ADAMTS17: variants seen among roughly 807,000 people sequenced by gnomAD.
ADAMTS17 encodes the protein A disintegrin and metalloproteinase with thrombospondin motifs 17.
In ADAMTS17, 113 loss-of-function variants were observed where a neutral mutation model predicts 141.5. The observed-to-expected ratio is 0.80, with a 90% CI of 0.69 to 0.93. The LOEUF (loss-of-function observed/expected upper bound fraction) is 0.93, where lower values mean the gene tolerates loss of function less well. Among genes scored for constraint, ADAMTS17 ranks in the 40% least tolerant of loss-of-function variants. The pLI is 0.00. For missense variants in ADAMTS17, 1,659 were observed against 1,517.9 expected (o/e 1.09, Z -1.54); for synonymous variants, 768 against 630.6 (o/e 1.22, Z -3.27).
intron 18 of ADAMTS17, among the ~76,000 whole-genome samples, chr15:100,044,049 G>A (rs1032002540): frequency 6.6e-6 from 1 of 152,320 alleles, no homozygotes; most frequent in East Asian, 1.9e-4. Context: ...GTGCAGCATG[G>A]TTCTCTCTTA....
Position 100,330,880 on chromosome 15 carries a change from C to T in ADAMTS17, c.616+9G>A, listed in dbSNP as rs773611298. ...GTTCTAAGCTGGTCATGCTGCTGCC[C>T]CGACTCACCTGTTAGAACCTTGCAG... is the stretch of plus-strand genomic sequence containing the variant. On this transcript the variant is annotated intron_variant, in intron 3 of 21. Transcript: ENST00000268070. The T allele has an allele frequency of 6.2e-7, 1 of 1,613,714 alleles. No individual in the cohort carries two copies. Among genetic ancestry groups the T allele is most frequent in the Non-Finnish European group, 8.5e-7 (1 of 1,179,780 alleles).
intron 3 of ADAMTS17, among the ~76,000 whole-genome samples, chr15:100,293,216 G>T (rs540988619): frequency 6.6e-6 from 1 of 152,248 alleles, no homozygotes; most frequent in South Asian, 2.1e-4. Context: ...GGAGTGGGGG[G>T]AACAGAACTC....
At chr15:100,125,005 T>C (rs563110492) in intron 12 of ADAMTS17, among the ~76,000 whole-genome samples, 1 of 152,342 alleles carries the variant, frequency 6.6e-6, no homozygotes, top group South Asian at 2.1e-4. Context: ...AGATGCCACT[T>C]TTTATTTTCA....
At chr15:100,198,468 C>T (rs189784179) in intron 8 of ADAMTS17, among the ~76,000 whole-genome samples, 161 of 152,266 alleles carry the variant, frequency 1.1e-3, no homozygotes, top group African/African-American at 3.8e-3. Flanking sequence ...ATAATTTTTC[C>T]CCCAAGAACT....
chr15:100,212,431 C>T (rs919512118), intron 7 of ADAMTS17, among the ~76,000 whole-genome samples: 1 of 152,186 alleles, frequency 6.6e-6, no homozygotes, highest in South Asian at 2.1e-4. Flanking sequence ...ACAAGGCTCA[C>T]GTACAGATGT....
intron 3 of ADAMTS17, among the ~76,000 whole-genome samples, chr15:100,308,478 A>G (rs2045298542): frequency 6.6e-6 from 1 of 152,252 alleles, no homozygotes; most frequent in African/African-American, 2.4e-5. Flanking sequence ...GGAAGCAATT[A>G]TAACAAGATT....
intron 7 of ADAMTS17, among the ~76,000 whole-genome samples, chr15:100,246,841 T>G (rs1171723618): frequency 1.3e-5 from 2 of 151,826 alleles, no homozygotes; most frequent in African/African-American, 4.8e-5. Flanking sequence ...ATGTAAAGTA[T>G]CTGTTCAAGT....
chr15:100,215,988 T>C (rs1275183619), intron 7 of ADAMTS17, among the ~76,000 whole-genome samples: 2 of 152,190 alleles, frequency 1.3e-5, no homozygotes, highest in South Asian at 2.1e-4. Flanking sequence ...TTCTTGGGAA[T>C]GTAAGCCACA....
intron 18 of ADAMTS17, among the ~76,000 whole-genome samples, chr15:100,006,052 A>G (rs2061031093): frequency 1.3e-5 from 2 of 152,134 alleles, no homozygotes; most frequent in African/African-American, 4.8e-5. Context: ...TACCTGTCAT[A>G]TCAGATCAGG....
intron 10 of ADAMTS17, among the ~76,000 whole-genome samples, chr15:100,137,114 G>A (rs141989047): frequency 3.9e-5 from 6 of 152,312 alleles, no homozygotes; most frequent in East Asian, 1.9e-4. Flanking sequence ...ACCACAGGAC[G>A]ACCCTTGGCC....
intron 14 of ADAMTS17, 67 bp downstream of exon 14, chr15:100,108,910 GCTCTACCCCACT>G (rs766620414): frequency 8.3e-5 from 133 of 1,607,142 alleles, no homozygotes; most frequent in Non-Finnish European, 1.1e-4. Context: ...TGAGACCTCT[GCTCTACCCCACT>G]CCCTGTCTGG....
intron 8 of ADAMTS17, among the ~76,000 whole-genome samples, chr15:100,191,355 G>A (rs976390713): frequency 6.6e-6 from 1 of 152,200 alleles, no homozygotes; most frequent in African/African-American, 2.4e-5. Flanking sequence ...ACAGCTGTTT[G>A]GACATGCTGC....
intron 18 of ADAMTS17, among the ~76,000 whole-genome samples, chr15:100,008,769 C>T (rs1326178897): frequency 6.6e-6 from 1 of 152,224 alleles, no homozygotes; most frequent in South Asian, 2.1e-4. Context: ...CAGGCCCACA[C>T]CTACCCCTGG....
At chr15:100,316,996 GAAT>G (rs2045585854) in intron 3 of ADAMTS17, among the ~76,000 whole-genome samples, 1 of 152,168 alleles carries the variant, frequency 6.6e-6, no homozygotes, top group South Asian at 2.1e-4. Flanking sequence ...AGCCTCCGGG[GAAT>G]AATAACAGCA....
chr15:100,089,978 TATAATA>T (rs2035350619), intron 15 of ADAMTS17, among the ~76,000 whole-genome samples: 3 of 141,542 alleles, frequency 2.1e-5, no homozygotes, highest in Non-Finnish European at 4.5e-5. Context: ...AACTTAAAAG[TATAATA>T]ATAAAATTAA....
intron 8 of ADAMTS17, among the ~76,000 whole-genome samples, chr15:100,171,167 C>T (rs904321827): frequency 1.3e-5 from 2 of 152,072 alleles, no homozygotes; most frequent in African/African-American, 4.8e-5. Context: ...GTTGAGAGAG[C>T]CTGCTGCCTC....
rs188841819 is a variant in ADAMTS17 at position 100,127,130 on chromosome 15, C to T, written c.1721+4877G>A. On this transcript the variant is annotated intron_variant, in intron 12 of 21. Coordinates refer to ENST00000268070, the MANE Select transcript of ADAMTS17 (RefSeq NM_139057.4). The stretch of plus-strand genomic sequence containing the variant: ...GTGGCCGAGAGCACAAAGGAGGCTT[C>T]GAGGCTGCAGGGGGCTGAACGGTGG... Among the ~76,000 whole-genome samples the T allele has an allele frequency of 5.3e-5, 8 of 152,174 alleles. 1 individual carries two copies. The highest frequency in any genetic ancestry group is 4.2e-4 in the South Asian group (2 of 4,812).
At chr15:100,090,521 A>C (rs1178237557) in intron 15 of ADAMTS17, among the ~76,000 whole-genome samples, 2 of 152,086 alleles carry the variant, frequency 1.3e-5, no homozygotes, top group Admixed American at 6.5e-5. Flanking sequence ...TAACTTTGCC[A>C]CAGGATGCAT....
intron 10 of ADAMTS17, among the ~76,000 whole-genome samples, chr15:100,141,950 C>G (rs1189662063): frequency 2.6e-5 from 4 of 152,222 alleles, no homozygotes; most frequent in Non-Finnish European, 5.9e-5. Context: ...GGCCAGGCTC[C>G]GGGACCCCGC....
Sources: gnomAD v4.1 joint callset for allele counts (sites outside exome capture counted in the v4.1 genomes callset) on GRCh38, gnomAD v4.1.1 for gene constraint, MANE v1.5 for transcripts, NCBI Gene and HGNC (gene_info 2026-07-23, HGNC 2026-07-21) for gene names.